RHCG: variants seen among roughly 807,000 people sequenced by gnomAD.
RHCG encodes the protein Rh family C glycoprotein, also known as ammonium transporter Rh type C.
RHCG carries 39 observed loss-of-function variants against 55.3 expected under a neutral mutation model. The observed-to-expected ratio is 0.70, with a 90% confidence interval of 0.55 to 0.92. The LOEUF is 0.92. Among genes scored for constraint, RHCG ranks in the 40% least tolerant of loss-of-function variants. RHCG has a pLI of 0.00. For missense variants in RHCG, 635 were observed against 627.9 expected, an observed-to-expected ratio of 1.01 and a Z score of -0.12; for synonymous variants, 250 against 246.8, an observed-to-expected ratio of 1.01 and a Z score of -0.12.
At chr15:89,486,684 C>T (rs894946868) in intron 2 of RHCG, 115 bp downstream of exon 2, 1 of 964,028 alleles carries the variant, frequency 1.0e-6, no homozygotes. Flanking sequence ...GGAGGAGTTG[C>T]CCTCCAGCCT....
chr15:89,480,148 G>GATCATGGTGGCCTTCACCC (rs529550288), intron 4 of RHCG, 113 bp downstream of exon 4: 9 of 1,413,284 alleles, frequency 6.4e-6, no homozygotes, highest in Admixed American at 1.7e-5. Context: ...GATCAGGTCT[G>GATCATGGTGGCCTTCACCC]ATCATGGTGG....
Position 89,477,714 on chromosome 15 carries a change from G to A in RHCG, c.976-61C>T, listed in dbSNP as rs764069246. The A allele has an allele frequency of 5.4e-5, 87 of 1,605,328 alleles. No individual in the cohort carries two copies. Among genetic ancestry groups the A allele is most frequent in the Non-Finnish European group, 6.8e-5 (80 of 1,173,534 alleles). ...GCTGCATCAAGGGTGTGGGGAGGCC[G>A]GGATTCCAGAGACCCAGGATTCTCT... On this transcript the variant is annotated intron_variant, in intron 6 of 10. Transcript: ENST00000268122. This position sits in a 1 kb window ranked among gnomAD's most constrained non-coding sequence, Gnocchi z 4.5.
intron 3 of RHCG, 140 bp downstream of exon 3, chr15:89,482,927 A>C: frequency 1.3e-6 from 1 of 780,178 alleles, no homozygotes; most frequent in Non-Finnish European, 1.9e-6. Flanking sequence ...CTCCCACTTT[A>C]GAGATGAGAA....
intron 2 of RHCG, chr15:89,486,595 A>AGTGTGTGTGTGT (rs750785557): frequency 2.3e-4 from 78 of 333,418 alleles, no homozygotes; most frequent in African/African-American, 6.6e-4. Context: ...AGAGAGAGAG[A>AGTGTGTGTGTGT]GAGAGTGTGT....
intron 9 of RHCG, 28 bp from the exon 10 acceptor site, chr15:89,472,891 G>T (rs1961067740): frequency 2.1e-6 from 3 of 1,404,264 alleles, no homozygotes; most frequent in Non-Finnish European, 2.8e-6. Context: ...AACTCTGAGG[G>T]CCCTGTCCCA....
chr15:89,479,262 TGATCAGC>T, intron 5 of RHCG, 53 bp downstream of exon 5: 4 of 1,546,154 alleles, frequency 2.6e-6, no homozygotes, highest in Non-Finnish European at 3.5e-6. Context: ...CAAGGCATGG[TGATCAGC>T]GCCCTCCAGG....
chr15:89,496,313 G>T, intron 1 of RHCG, 48 bp downstream of exon 1: 6 of 1,601,026 alleles, frequency 3.7e-6, no homozygotes, highest in Non-Finnish European at 5.1e-6. Flanking sequence ...GCCAGGTGGG[G>T]ACCGGCGCGG....
intron 1 of RHCG, among the ~76,000 whole-genome samples, chr15:89,495,018 A>G (rs1211604129): frequency 1.3e-5 from 2 of 152,158 alleles, no homozygotes; most frequent in Non-Finnish European, 2.9e-5. Flanking sequence ...GGACAATGTG[A>G]ACAGTGGATT....
chr15:89,490,325 A>G (rs1165166401), intron 1 of RHCG, among the ~76,000 whole-genome samples: 3 of 152,142 alleles, frequency 2.0e-5, no homozygotes, highest in Non-Finnish European at 4.4e-5. Flanking sequence ...GGCTTGGCAC[A>G]CTGAAGGGCA....
chr15:89,486,438 A>G, intron 2 of RHCG: 1 of 459,728 alleles, frequency 2.2e-6, no homozygotes, highest in Non-Finnish European at 4.4e-6. Flanking sequence ...CCCCAGAGGA[A>G]AGTCTAGCCT....
In RHCG at chr15:89,476,736, C is replaced by T. The variant is rs781122582; in HGVS notation, c.1311+19G>A. 6 of 1,611,104 alleles carry T rather than the reference C, an allele frequency of 3.7e-6. No individual in the cohort carries two copies. The highest frequency in any genetic ancestry group is 3.3e-5 in the Admixed American group (2 of 60,010). On this transcript the variant is annotated intron_variant, in intron 9 of 10. Transcript: ENST00000268122. The stretch of plus-strand genomic sequence containing the variant: ...AACGCAGCTGCCCTCCTTCAGGGGG[C>T]CAAGTCCCTGGAACTCACCTCCCAG...
At chr15:89,478,441 G>A (rs1427616993) in intron 5 of RHCG, among the ~76,000 whole-genome samples, 3 of 152,308 alleles carry the variant, frequency 2.0e-5, no homozygotes, top group South Asian at 2.1e-4. Flanking sequence ...AGGGGTTAGC[G>A]CTTTCCATCT....
In RHCG at chr15:89,483,057, C is replaced by G. The variant is rs1346957421; in HGVS notation, c.522+10G>C. 3 of 1,559,986 alleles carry G rather than the reference C, an allele frequency of 1.9e-6. No individual in the cohort carries two copies. Among genetic ancestry groups the G allele is most frequent in the Non-Finnish European group, 2.6e-6 (3 of 1,138,434 alleles). On this transcript the variant is annotated intron_variant, in intron 3 of 10. Transcript: ENST00000268122. ...CCCACCACCTCATCCCCATTCTGAG[C>G]CCTGCTCACCTTTAGCAGGTTAAGG... is the stretch of plus-strand genomic sequence containing the variant.
intron 1 of RHCG, among the ~76,000 whole-genome samples, chr15:89,491,005 G>A (rs1464074679): frequency 6.6e-6 from 1 of 152,158 alleles, no homozygotes; most frequent in Non-Finnish European, 1.5e-5. Context: ...AGGAGCCCCT[G>A]GGGGAAGACA....
intron 2 of RHCG, among the ~76,000 whole-genome samples, chr15:89,483,828 C>T (rs1430851348): frequency 2.0e-5 from 3 of 152,134 alleles, no homozygotes; most frequent in African/African-American, 7.2e-5. Flanking sequence ...GCAGGAAGGC[C>T]AGCAGGGAGG....
chr15:89,476,747 G>T lies in RHCG; in HGVS notation c.1311+8C>A. On this transcript the variant is annotated splice_region_variant and intron_variant, in intron 9 of 10. Transcript: ENST00000268122. ...CCTCCTTCAGGGGGCCAAGTCCCTG[G>T]AACTCACCTCCCAGTAGACCGCATC... 1 of 1,613,310 alleles carries T rather than the reference G, an allele frequency of 6.2e-7. No individual in the cohort carries two copies. Among genetic ancestry groups the T allele is most frequent in the South Asian group, 1.1e-5 (1 of 91,064 alleles).
chr15:89,478,843 C>G (rs1419203302), intron 5 of RHCG, among the ~76,000 whole-genome samples: 3 of 152,200 alleles, frequency 2.0e-5, no homozygotes, highest in African/African-American at 7.2e-5. Context: ...GTAATCCTAG[C>G]ACTTTGGGAG....
Position 89,479,525 on chromosome 15 carries a change from A to G in RHCG, c.671-37T>C, listed in dbSNP as rs560785047. The stretch of plus-strand genomic sequence containing the variant: ...AGACAGGCCCAATGGGCCCGGGAGG[A>G]GAGGCATTAGATACAGCCCCACAGC... On this transcript the variant is annotated intron_variant, in intron 4 of 10. Coordinates refer to ENST00000268122, the MANE Select transcript of RHCG (RefSeq NM_016321.3). 7 of 1,568,122 alleles carry G rather than the reference A, an allele frequency of 4.5e-6. No homozygotes were observed. The Admixed American group carries it at 1.3e-4, about 29-fold the overall frequency.
At chr15:89,488,094 C>A (rs1489174635) in intron 1 of RHCG, among the ~76,000 whole-genome samples, 1 of 152,172 alleles carries the variant, frequency 6.6e-6, no homozygotes, top group Non-Finnish European at 1.5e-5. Flanking sequence ...TCAGATGTCA[C>A]AGGACACAGG....
Sources: allele counts gnomAD v4.1 joint callset (sites outside exome capture counted in the v4.1 genomes callset), GRCh38; gene constraint gnomAD v4.1.1; non-coding constraint Gnocchi (gnomAD v3.1); transcripts MANE v1.5; gene names NCBI Gene and HGNC (gene_info 2026-07-23, HGNC 2026-07-21).